NHS: variants seen among roughly 807,000 people sequenced by gnomAD.
NHS encodes the protein actin remodeling regulator NHS.
Under a neutral mutation model 72.5 loss-of-function variants are expected in NHS, and 5 were observed. The ratio of observed to expected loss-of-function variants is 0.07; its 90% CI spans 0.04 to 0.14. The LOEUF (loss-of-function observed/expected upper bound fraction) is 0.14. NHS is among the 10% of genes least tolerant of loss of function. The pLI, the probability that NHS is intolerant of heterozygous loss-of-function variation, is 1.00. For synonymous variants in NHS, 464 were observed against 547.7 expected, an observed-to-expected ratio of 0.85 and a Z score of 2.13; for missense variants, 1,072 against 1,355.7, an observed-to-expected ratio of 0.79 and a Z score of 3.29.
chrX:17,413,627 G>A (rs1459087301), intron 1 of NHS, among the ~76,000 whole-genome samples: 2 of 112,121 alleles, frequency 1.8e-5, no homozygotes, highest in Non-Finnish European at 3.8e-5. Flanking sequence ...TTCCAAAGGC[G>A]AAGACTGTTT....
rs780809868 is a variant in NHS at position 17,376,187 on chromosome X, C to T, written c.430C>T (p.Arg144Trp). Residue 144 changes from arginine (R) to tryptophan (W), a missense_variant, in exon 1 of 9, where the codon CGG (arginine) becomes TGG (tryptophan). Transcript: ENST00000676302. ...CCTCCGGCAGCTCTCGGACGTGGCC[C>T]GGCACGCTTGCAGCCTCTTCCAGGA... Reference protein sequence around the residue: ...RVLRQLSDVARHACSLFQELE... With the variant: ...RVLRQLSDVAWHACSLFQELE... 1 of 1,190,666 alleles carries T rather than the reference C, an allele frequency of 8.4e-7. No individual in the cohort carries two copies. Among genetic ancestry groups the T allele is most frequent in the Non-Finnish European group, 1.1e-6 (1 of 890,850 alleles).
rs72616044 is a variant in NHS, at chrX:17,591,303, C to T, written c.566-96439C>T. Among the ~76,000 whole-genome samples the T allele has an allele frequency of 2.9e-3, 325 of 111,788 alleles. 4 individuals are homozygous for T. In the East Asian group the frequency reaches 0.066, roughly 23 times the overall value. On this transcript the variant is annotated intron_variant, in intron 1 of 8. Coordinates refer to ENST00000676302, the MANE Select transcript of NHS (RefSeq NM_001291867.2). Reference sequence around the variant, plus strand: ...CCTGCATTTTGCAAACTTGTGCTTGCTGATCCAATAGGCACCCCTGGTTGG... The same window carrying T: ...CCTGCATTTTGCAAACTTGTGCTTGTTGATCCAATAGGCACCCCTGGTTGG...
chrX:17,498,081 C>T (rs2065021161), intron 1 of NHS, among the ~76,000 whole-genome samples: 1 of 111,952 alleles, frequency 8.9e-6, no homozygotes, highest in Non-Finnish European at 1.9e-5. Flanking sequence ...TTTTAAAACT[C>T]CCCAGATGAT....
At chrX:17,557,347 A>ATATATATATG (rs1490660271) in intron 1 of NHS, 3 of 106,454 alleles carry the variant, frequency 2.8e-5, no homozygotes, top group African/African-American at 1.1e-4. Flanking sequence ...ATATATATAT[A>ATATATATATG]TCTTGCATTT....
At chrX:17,562,935 T>G (rs891360051) in intron 1 of NHS, among the ~76,000 whole-genome samples, 1 of 111,977 alleles carries the variant, frequency 8.9e-6, no homozygotes, top group Non-Finnish European at 1.9e-5. Context: ...GGACCAATAG[T>G]TGAAGCATTT....
At chrX:17,701,970 C>G (rs1209526618) in intron 3 of NHS, among the ~76,000 whole-genome samples, 1 of 110,851 alleles carries the variant, frequency 9.0e-6, no homozygotes, top group South Asian at 3.8e-4. Context: ...TCAAAACATG[C>G]GTTATAATGA....
rs1265925694 is a variant in NHS at position 17,386,691 on chromosome X, GA to G, written c.565+10377del. 4.1e-5 allele frequency among the ~76,000 whole-genome samples: 4 copies of G among 96,753 alleles called. No individual in the cohort carries two copies. In the East Asian group the frequency reaches 9.9e-4, roughly 24 times the overall value. The allele number at this position is 96,753 out of a possible 115,157, so 84.0% of individuals were successfully genotyped here. A position where few individuals can be genotyped will look rare whatever the true frequency, so the allele number is the denominator to read the frequency against. On this transcript the variant is annotated intron_variant, in intron 1 of 8. Transcript: ENST00000676302. Reference sequence around the variant, plus strand: ...AAAAAAAAAAAAAAAAAAAGAAAAAGAAAAAAAAGAATGTCCCTAATGTGGT... The same window carrying G: ...AAAAAAAAAAAAAAAAAAAGAAAAAGAAAAAAAGAATGTCCCTAATGTGGT...
At chrX:17,425,842 A>G (rs1022552468) in intron 1 of NHS, 2 of 112,825 alleles carry the variant, frequency 1.8e-5, no homozygotes, top group Non-Finnish European at 3.8e-5. Context: ...GTAGGATACT[A>G]CCCAGAGATA....
chrX:17,570,748 G>C (rs2146973974), intron 1 of NHS, among the ~76,000 whole-genome samples: 1 of 111,522 alleles, frequency 9.0e-6, no homozygotes, highest in South Asian at 3.8e-4. Context: ...GTCTTGTGCT[G>C]GTTTTCAAAG....
intron 1 of NHS, among the ~76,000 whole-genome samples, chrX:17,672,913 T>G (rs943838026): frequency 9.0e-6 from 1 of 111,169 alleles, no homozygotes; most frequent in Non-Finnish European, 1.9e-5. Flanking sequence ...AATAACTCAT[T>G]GATCAATGAA....
At chrX:17,460,187 G>A (rs2064841484) in intron 1 of NHS, among the ~76,000 whole-genome samples, 1 of 112,313 alleles carries the variant, frequency 8.9e-6, no homozygotes, top group South Asian at 3.7e-4. Flanking sequence ...CCTAGTGCCT[G>A]TTTTAGGTCA....
intron 3 of NHS, among the ~76,000 whole-genome samples, chrX:17,695,582 G>A (rs146950771): frequency 1.2e-3 from 132 of 111,599 alleles, no homozygotes; most frequent in Non-Finnish European, 1.8e-3. Flanking sequence ...CCCAAACTGT[G>A]TGCTGAGGTG....
chrX:17,636,756 G>C (rs894519675), intron 1 of NHS, among the ~76,000 whole-genome samples: 1 of 112,085 alleles, frequency 8.9e-6, no homozygotes, highest in Non-Finnish European at 1.9e-5. Flanking sequence ...AAGCACTGTT[G>C]TGTGCAGCTT....
chrX:17,651,342 C>T (rs1455432343), intron 1 of NHS, among the ~76,000 whole-genome samples: 2 of 112,095 alleles, frequency 1.8e-5, no homozygotes, highest in Non-Finnish European at 3.8e-5. Context: ...ACCATAGAGA[C>T]CAATAATAAG....
intron 1 of NHS, among the ~76,000 whole-genome samples, chrX:17,657,440 G>A (rs1479279821): frequency 1.8e-5 from 2 of 112,755 alleles, no homozygotes. Flanking sequence ...CCCTGCAGTT[G>A]GAGGTACAGC....
At chrX:17,456,899 G>C (rs2064827929) in intron 1 of NHS, among the ~76,000 whole-genome samples, 1 of 111,922 alleles carries the variant, frequency 8.9e-6, no homozygotes, top group Non-Finnish European at 1.9e-5. Flanking sequence ...AAACCAAATA[G>C]GGTGAAGAAA....
intron 1 of NHS, among the ~76,000 whole-genome samples, chrX:17,680,168 GT>G (rs753788307): frequency 2.6e-3 from 289 of 111,861 alleles, no homozygotes; most frequent in Middle Eastern, 9.3e-3. Context: ...GGTGAGAAGT[GT>G]TTTTTTTCCC....
At chrX:17,450,839 G>C (rs2064802723) in intron 1 of NHS, among the ~76,000 whole-genome samples, 1 of 111,514 alleles carries the variant, frequency 9.0e-6, no homozygotes, top group Non-Finnish European at 1.9e-5. Flanking sequence ...TCATGCCACT[G>C]CACTCCAGCC....
At chrX:17,430,152 CTTCT>C (rs1290629339) in intron 1 of NHS, among the ~76,000 whole-genome samples, 2 of 73,239 alleles carry the variant, frequency 2.7e-5, no homozygotes, top group Non-Finnish European at 5.0e-5. Flanking sequence ...GCCTTCCTTC[CTTCT>C]TTCTCCTTCC....
Sources: gnomAD v4.1 joint callset for allele counts (sites outside exome capture counted in the v4.1 genomes callset) on GRCh38, gnomAD v4.1.1 for gene constraint, MANE v1.5 for transcripts, NCBI Gene and HGNC (gene_info 2026-07-23, HGNC 2026-07-21) for gene names.